Variants in RBFOX1 observed in about 807,000 individuals in gnomAD.
RBFOX1 encodes RNA binding fox-1 homolog 1.
Under a neutral mutation model 57.7 loss-of-function variants are expected in RBFOX1, and 8 were observed. The observed-to-expected ratio is 0.14, with a 90% confidence interval of 0.08 to 0.25. The LOEUF is 0.25. Ranked by LOEUF, RBFOX1 falls within the 10% of genes least tolerant of loss-of-function variation. The pLI is 1.00. For synonymous variants in RBFOX1, 326 were observed against 222.4 expected (o/e 1.47, Z -4.15); for missense variants, 611 against 548.5 (o/e 1.11, Z -1.14).
In RBFOX1 at chr16:5,257,784, C is replaced by G. The variant is rs146194840; in HGVS notation, c.219+17679C>G. ...CCATTCCTTGTGTGTTGTACTTTGT[C>G]TCGACTTCCTCTACTCTGCACCAAG... On this transcript the variant is annotated intron_variant, in intron 1 of 2. Transcript: ENST00000585867. Among the ~76,000 whole-genome samples, 40 of 152,272 alleles carry G rather than the reference C, an allele frequency of 2.6e-4. No homozygotes were observed. The East Asian group carries it at 6.6e-3, about 25-fold the overall frequency.
chr16:7,107,232 C>G (rs904500236), intron 4 of RBFOX1, among the ~76,000 whole-genome samples: 1 of 152,042 alleles, frequency 6.6e-6, no homozygotes, highest in Non-Finnish European at 1.5e-5. Flanking sequence ...GGGTATTAAA[C>G]CTGTGGGAGA....
At chr16:5,531,972 G>A (rs577162254) in intron 2 of RBFOX1, among the ~76,000 whole-genome samples, 1 of 152,098 alleles carries the variant, frequency 6.6e-6, no homozygotes, top group African/African-American at 2.4e-5. Flanking sequence ...GCTAATTTTT[G>A]TATTTTTAGT....
At position 5,322,386 on chromosome 16, in the gene RBFOX1, T is replaced by C. The variant is rs182510383; in HGVS notation, c.219+82281T>C. On this transcript the variant is annotated intron_variant, in intron 1 of 2. Transcript: ENST00000585867. ...GAACTGGCTTGTGTGTGTGCACGCC[T>C]AGGGGTTTGGGGTAGGATGAGCCTT... Among the ~76,000 whole-genome samples, 9 of 152,142 alleles carry C rather than the reference T, an allele frequency of 5.9e-5. No individual in the cohort carries two copies. In the East Asian group the frequency reaches 1.7e-3, roughly 29 times the overall value.
rs545473625 is a variant in RBFOX1, at chr16:6,419,695, G to A, written c.-64+102638G>A. Among the ~76,000 whole-genome samples the A allele has an allele frequency of 5.9e-5, 9 of 152,186 alleles. No individual in the cohort carries two copies. The South Asian group carries it at 1.2e-3, about 21-fold the overall frequency. ...TACCTACAGGCATCCCACCATTCCC[G>A]TTCTTCATAGACTATATGACACATC... On this transcript the variant is annotated intron_variant, in intron 2 of 15. Transcript: ENST00000550418.
intron 4 of RBFOX1, among the ~76,000 whole-genome samples, chr16:7,315,678 A>G (rs529082015): frequency 6.6e-6 from 1 of 152,192 alleles, no homozygotes; most frequent in South Asian, 2.1e-4. Context: ...GGAACATTAC[A>G]CACACTTTTC....
At chr16:6,214,558 G>A (rs2097319806) in intron 1 of RBFOX1, among the ~76,000 whole-genome samples, 1 of 123,058 alleles carries the variant, frequency 8.1e-6, no homozygotes, top group Non-Finnish European at 1.7e-5. Context: ...GGGAGAGGGG[G>A]AGAGGGAGGG....
chr16:5,508,714 A>G (rs1025370713), intron 2 of RBFOX1, among the ~76,000 whole-genome samples: 2 of 152,144 alleles, frequency 1.3e-5, no homozygotes, highest in Non-Finnish European at 2.9e-5. Flanking sequence ...TGCCATACCC[A>G]AGGTGGGGCG....
At chr16:5,585,304 T>G (rs2046795414) in intron 2 of RBFOX1, among the ~76,000 whole-genome samples, 1 of 152,168 alleles carries the variant, frequency 6.6e-6, no homozygotes. Flanking sequence ...TAGCATAATG[T>G]TTTCAATGTT....
At chr16:5,450,090 G>GT (rs538905876) in intron 1 of RBFOX1, among the ~76,000 whole-genome samples, 228 of 152,310 alleles carry the variant, frequency 1.5e-3, no homozygotes, top group African/African-American at 5.3e-3. Flanking sequence ...CAGGAACTAT[G>GT]TAATTCACCT....
intron 4 of RBFOX1, among the ~76,000 whole-genome samples, chr16:7,450,267 G>C (rs889946535): frequency 6.6e-6 from 1 of 151,758 alleles, no homozygotes; most frequent in Non-Finnish European, 1.5e-5. Context: ...GGTGACATAC[G>C]CCTGTAATCC....
At chr16:7,382,366 G>A (rs1457135047) in intron 4 of RBFOX1, among the ~76,000 whole-genome samples, 1 of 152,160 alleles carries the variant, frequency 6.6e-6, no homozygotes, top group Non-Finnish European at 1.5e-5. Flanking sequence ...GTGACTTTAA[G>A]CTGCTCTGGA....
At chr16:6,872,630 C>T (rs189865979) in intron 3 of RBFOX1, among the ~76,000 whole-genome samples, 1 of 152,148 alleles carries the variant, frequency 6.6e-6, no homozygotes, top group Non-Finnish European at 1.5e-5. Flanking sequence ...TTGAATATTC[C>T]TGCAGTGGCA....
chr16:5,786,752 C>A (rs915329289), intron 3 of RBFOX1, among the ~76,000 whole-genome samples: 2 of 152,180 alleles, frequency 1.3e-5, no homozygotes, highest in South Asian at 4.1e-4. Context: ...TGACTGGCTT[C>A]ATGTCAGACT....
chr16:5,461,451 C>CT (rs1319653201), intron 1 of RBFOX1, among the ~76,000 whole-genome samples: 1 of 152,122 alleles, frequency 6.6e-6, no homozygotes, highest in Non-Finnish European at 1.5e-5. Context: ...AATTATTGTG[C>CT]TGGGCACTGT....
rs1353213221 is a variant in RBFOX1 at position 6,854,722 on chromosome 16, G to C, written c.-15-197335G>C. 2.0e-5 allele frequency among the ~76,000 whole-genome samples: 3 copies of C among 149,928 alleles called. No homozygotes were observed. In the Admixed American group the frequency reaches 2.0e-4, roughly 10 times the overall value. On this transcript the variant is annotated intron_variant, in intron 3 of 15. Coordinates refer to ENST00000550418, the MANE Select transcript of RBFOX1 (RefSeq NM_018723.4). ...TCGTTCTCCTGCGTCAGCCTCCCGA[G>C]TAGCTGGAACTACAGGCGCCTGCCA...
chr16:7,591,148 C>T lies in RBFOX1; in HGVS notation c.468+3848C>T, dbSNP rs576186418. On this transcript the variant is annotated intron_variant, in intron 7 of 15. Coordinates refer to ENST00000550418, the MANE Select transcript of RBFOX1 (RefSeq NM_018723.4). ...ACATTTAAGCTGAGAGTGAGAGTTG[C>T]GTAAGAATTTCCCAGGGAGGGGAAA... Among the ~76,000 whole-genome samples, 31 of 152,058 alleles carry T rather than the reference C, an allele frequency of 2.0e-4. No homozygotes were observed. In the East Asian group the frequency reaches 4.7e-3, roughly 23 times the overall value.
intron 4 of RBFOX1, among the ~76,000 whole-genome samples, chr16:7,209,240 C>T (rs1450156708): frequency 6.6e-6 from 1 of 151,726 alleles, no homozygotes; most frequent in East Asian, 1.9e-4. Flanking sequence ...GAGACTGAGG[C>T]AGGAGAATCA....
intron 1 of RBFOX1, among the ~76,000 whole-genome samples, chr16:6,208,586 C>A (rs925648953): frequency 1.3e-5 from 2 of 152,198 alleles, no homozygotes; most frequent in African/African-American, 4.8e-5. Flanking sequence ...TGATGTAGAT[C>A]AATCAACCCA....
chr16:6,568,585 C>G (rs912755550), intron 2 of RBFOX1, among the ~76,000 whole-genome samples: 1 of 152,118 alleles, frequency 6.6e-6, no homozygotes, highest in Non-Finnish European at 1.5e-5. Flanking sequence ...GCACGAATAA[C>G]AGAAGATGGG....
Sources: allele counts gnomAD v4.1 joint callset (sites outside exome capture counted in the v4.1 genomes callset), GRCh38; gene constraint gnomAD v4.1.1; transcripts MANE v1.5; gene names NCBI Gene and HGNC (gene_info 2026-07-23, HGNC 2026-07-21).